ERI2: variants seen among roughly 807,000 people sequenced by gnomAD.
ERI2 encodes the protein ERI1 exoribonuclease 2.
In ERI2, 35 loss-of-function variants were observed where a neutral mutation model predicts 46.8. That is an observed-to-expected ratio of 0.75 (90% CI 0.57 to 0.99). The LOEUF is 0.99. ERI2 is among the 50% of genes least tolerant of loss of function. ERI2 has a pLI of 0.00. For missense variants in ERI2, 695 were observed against 796.2 expected (o/e 0.87, Z 1.53); for synonymous variants, 224 against 271.0 (o/e 0.83, Z 1.70).
rs1455487307 is a variant in ERI2 at position 20,798,000 on chromosome 16, AC to A, written c.1799del (p.Gly600ValfsTer76). On this transcript the variant is annotated frameshift_variant, in exon 9 of 9. Coordinates refer to ENST00000357967, the MANE Select transcript of ERI2 (RefSeq NM_001142725.2). LOFTEE classifies it high-confidence loss of function. ...GKMTPPLCKC[G>X]RRSKRLVVSN... ...AAACAACAAGTCTCTTAGATCTCCGACCACACTTGCATAATGGAGGTGTCAT... is the reference window on the plus strand; with the variant it reads ...AAACAACAAGTCTCTTAGATCTCCGACACACTTGCATAATGGAGGTGTCAT... 1 of 1,551,836 alleles carries A rather than the reference AC, an allele frequency of 6.4e-7. No individual in the cohort carries two copies. The highest frequency in any genetic ancestry group is 8.7e-7 in the Non-Finnish European group (1 of 1,146,982).
Position 20,790,761 on chromosome 16 carries a change from A to C in ERI2, c.815+89T>G. The C allele has an allele frequency of 1.2e-6, 2 of 1,613,522 alleles. No homozygotes were observed. The highest frequency in any genetic ancestry group is 4.5e-5 in the East Asian group (2 of 44,870). On this transcript the variant is annotated intron_variant, in intron 9 of 10. Transcript: ENST00000300005. The surrounding 1 kb of genome is among the most constrained non-coding windows in gnomAD (Gnocchi z 4.0). ...CTTGGTAACAATCCCTGTTTGCCAC[A>C]AAACATACCTAGGATAGGTACTTGA...
intron 8 of ERI2, 88 bp downstream of exon 8, chr16:20,799,175 A>G: frequency 6.5e-7 from 1 of 1,548,072 alleles, no homozygotes; most frequent in Non-Finnish European, 8.7e-7. Context: ...TTTATAAATG[A>G]CTGCACACAT....
intron 10 of ERI2, chr16:20,785,938 A>C: frequency 2.0e-6 from 1 of 510,660 alleles, no homozygotes; most frequent in Non-Finnish European, 3.5e-6. Flanking sequence ...TTATCACTAC[A>C]TTCCATGAGA....
intron 8 of ERI2, 69 bp downstream of exon 8, chr16:20,799,194 C>G (rs1313307643): frequency 6.4e-7 from 1 of 1,573,204 alleles, no homozygotes; most frequent in African/African-American, 1.4e-5. Flanking sequence ...ATTAAATCTA[C>G]GTTTCAAAGA....
chr16:20,798,974 G>A lies in ERI2; in HGVS notation c.826C>T (p.Pro276Ser), dbSNP rs2080766428. Residue 276 changes from proline (P) to serine (S), a missense_variant, in exon 9 of 9, where the codon CCC becomes TCC. Pro to Ser is a moderately conservative substitution (Grantham distance 74, BLOSUM62 -1). Transcript: ENST00000357967. ...MSACNISIQG[P>S]SIYNKEPKNI... ...TTAGGCTCCTTATTATATATGCTGG[G>A]ACCCTGGATGCTAATGTTACAGGCA... is the stretch of plus-strand genomic sequence containing the variant. The A allele has an allele frequency of 6.5e-7, 1 of 1,546,564 alleles. No individual in the cohort carries two copies. Among genetic ancestry groups the A allele is most frequent in the Non-Finnish European group, 8.7e-7 (1 of 1,145,866 alleles).
chr16:20,799,743 G>T, intron 7 of ERI2: 1 of 480,870 alleles, frequency 2.1e-6, no homozygotes, highest in South Asian at 3.7e-5. Flanking sequence ...ATTCTTCTTA[G>T]CAACTAGAAA....
intron 4 of ERI2, among the ~76,000 whole-genome samples, 153 bp downstream of exon 4, chr16:20,802,643 C>G (rs1216492784): frequency 6.6e-6 from 1 of 151,622 alleles, no homozygotes; most frequent in African/African-American, 2.4e-5. Flanking sequence ...AAACTCCTGG[C>G]CTCAAGCAAT....
chr16:20,806,180 G>C (rs1325898112), intron 1 of ERI2: 14 of 1,395,470 alleles, frequency 1.0e-5, no homozygotes, highest in Non-Finnish European at 1.3e-5. Context: ...CCCAGGGTTC[G>C]TCCGCCTCGG....
In ERI2 at chr16:20,796,449, A is replaced by G. The variant is rs13306608; in HGVS notation, c.*1275T>C. On this transcript the variant is annotated 3_prime_UTR_variant, in exon 9 of 9. Transcript: ENST00000357967. The stretch of plus-strand genomic sequence containing the variant: ...CAACTAATAAAGGAGATTCAGGAGC[A>G]TGTTAAAAAAACTACAGCACCTTAC... 1.9e-6 allele frequency: 3 copies of G among 1,613,862 alleles called. No homozygotes were observed. Among genetic ancestry groups the G allele is most frequent in the Non-Finnish European group, 2.5e-6 (3 of 1,179,930 alleles).
downstream of ERI2, among the ~76,000 whole-genome samples, chr16:20,793,967 C>T (rs1479002194): frequency 6.6e-6 from 1 of 152,176 alleles, no homozygotes; most frequent in Non-Finnish European, 1.5e-5. Context: ...TTGTGGTCCC[C>T]TCACAGCTCC....
chr16:20,791,617 T>G (rs1310175399), downstream of ERI2, among the ~76,000 whole-genome samples: 1 of 152,178 alleles, frequency 6.6e-6, no homozygotes, highest in Admixed American at 6.5e-5. Context: ...CTTTTCTGCT[T>G]CCTTGAACAT....
At chr16:20,780,689 A>G (rs1183387021) in exon 11 of ERI2, 2 of 1,614,226 alleles carry the variant, frequency 1.2e-6, no homozygotes, top group Non-Finnish European at 1.7e-6. Flanking sequence ...TTTAACATGC[A>G]GTCATTGTAG....
At chr16:20,794,778 A>G (rs1181293644), downstream of ERI2, among the ~76,000 whole-genome samples, 1 of 152,236 alleles carries the variant, frequency 6.6e-6, no homozygotes, top group African/African-American at 2.4e-5. Context: ...AAACTGAGGC[A>G]CAAAGAGATT....
intron 10 of ERI2, chr16:20,781,192 C>A (rs1322888149): frequency 6.3e-7 from 1 of 1,578,980 alleles, no homozygotes; most frequent in Non-Finnish European, 8.6e-7. Context: ...GCTGACAGAA[C>A]TGGTGAATAA....
chr16:20,785,949 G>A, intron 10 of ERI2: 1 of 576,122 alleles, frequency 1.7e-6, no homozygotes, highest in Non-Finnish European at 3.0e-6. Flanking sequence ...TTCCATGAGA[G>A]TATAGCATTC....
chr16:20,794,103 T>C (rs1248784653), downstream of ERI2, among the ~76,000 whole-genome samples: 3 of 152,144 alleles, frequency 2.0e-5, no homozygotes, highest in African/African-American at 7.2e-5. Context: ...GAGGTATCCA[T>C]GAACAAAACG....
At position 20,797,342 on chromosome 16, in the gene ERI2, G is replaced by A; in HGVS notation, c.*382C>T. 1 of 1,002,678 alleles carries A rather than the reference G, an allele frequency of 1.0e-6. No individual in the cohort carries two copies. Among genetic ancestry groups the A allele is most frequent in the South Asian group, 4.6e-5 (1 of 21,534 alleles). The allele number at this position is 1,002,678 out of a possible 1,614,324, so 62.1% of individuals were successfully genotyped here. A position where few individuals can be genotyped will look rare whatever the true frequency, so the allele number is the denominator to read the frequency against. Reference sequence around the variant, plus strand: ...CAAATCAGAACCAATGTTCAAGCCTGAAATAAAACTAAAGAACTTATAAAA... The same window carrying A: ...CAAATCAGAACCAATGTTCAAGCCTAAAATAAAACTAAAGAACTTATAAAA... On this transcript the variant is annotated 3_prime_UTR_variant, in exon 9 of 9. Transcript: ENST00000357967.
At chr16:20,781,842 A>G (rs1334027297) in intron 10 of ERI2, 5 of 1,368,770 alleles carry the variant, frequency 3.7e-6, no homozygotes, top group Non-Finnish European at 5.2e-6. Context: ...AGAGGAAGCT[A>G]TAAAATAAAA....
At position 20,797,859 on chromosome 16, in the gene ERI2, T is replaced by G. The variant is rs1453422550; in HGVS notation, c.1941A>C (p.Arg647Ser). ...AATGAGATGGAACCATGCTGTTGGC[T>G]CTTTCCTTTTGAAGTGTTTGTTCCC... is the stretch of plus-strand genomic sequence containing the variant. ...FKWEQTLQKE[R>S]ANSMVPSHST... Residue 647 changes from arginine to serine, a missense_variant, in exon 9 of 9, where the codon AGA (arginine) becomes AGC (serine). Transcript: ENST00000357967. 1 of 1,551,508 alleles carries G rather than the reference T, an allele frequency of 6.4e-7. No individual in the cohort carries two copies. Among genetic ancestry groups the G allele is most frequent in the African/African-American group, 1.4e-5 (1 of 73,042 alleles).
Sources: allele counts gnomAD v4.1 joint callset (sites outside exome capture counted in the v4.1 genomes callset), GRCh38; gene constraint gnomAD v4.1.1; non-coding constraint Gnocchi (gnomAD v3.1); transcripts MANE v1.5; gene names NCBI Gene and HGNC (gene_info 2026-07-23, HGNC 2026-07-21).